Variants in TMEM255A observed in about 807,000 individuals in gnomAD.
TMEM255A encodes the protein family with sequence similarity 70, member A.
TMEM255A carries 14 observed loss-of-function variants against 23.5 expected under a neutral mutation model. The observed-to-expected ratio is 0.60, with a 90% CI of 0.39 to 0.93. TMEM255A has a LOEUF of 0.93. Among genes scored for constraint, TMEM255A ranks in the 40% least tolerant of loss-of-function variants. The probability of loss-of-function intolerance (pLI) is 0.00; values close to 1 mark genes in which losing one functional copy is unlikely to be tolerated. For missense variants in TMEM255A, 233 were observed against 261.7 expected, an observed-to-expected ratio of 0.89 and a Z score of 0.76; for synonymous variants, 104 against 100.3, an observed-to-expected ratio of 1.04 and a Z score of -0.22.
chrX:120,258,905 A>C lies in TMEM255A; in HGVS notation c.*1965T>G, dbSNP rs2057655956. ...CAAATGTTTTGCAAAAGAGTAAAGC[A>C]GCAAATATTAATTTTTCTAAGGTAA... is the stretch of plus-strand genomic sequence containing the variant. On this transcript the variant is annotated 3_prime_UTR_variant, in exon 9 of 9. Coordinates refer to ENST00000371369, the MANE Select transcript of TMEM255A (RefSeq NM_001104544.3). 2 of 112,908 alleles carry C rather than the reference A, an allele frequency of 1.8e-5. No homozygotes were observed. Among genetic ancestry groups the C allele is most frequent in the African/African-American group, 3.2e-5 (1 of 31,022 alleles). The allele number at this position is 112,908 out of a possible 1,213,427, so 9.3% of individuals were successfully genotyped here.
rs2057702395 is a variant in TMEM255A, at chrX:120,264,545, A to T, written c.820-3517T>A. Among the ~76,000 whole-genome samples, 3 of 111,263 alleles carry T rather than the reference A, an allele frequency of 2.7e-5. No homozygotes were observed. The Admixed American group carries it at 2.9e-4, about 11-fold the overall frequency. On this transcript the variant is annotated intron_variant, in intron 8 of 8. Transcript: ENST00000371369. ...GCTACCCAATAAGGGTATGACTTTG[A>T]GGGGTTAAAACAAAACATTATAAGT... is the stretch of plus-strand genomic sequence containing the variant.
At chrX:120,298,877 TAGAGAGAG>T (rs60873568) in intron 2 of TMEM255A, among the ~76,000 whole-genome samples, 1 of 97,871 alleles carries the variant, frequency 1.0e-5, no homozygotes, top group Admixed American at 1.1e-4. Flanking sequence ...ACAGAGCACC[TAGAGAGAG>T]AGAGAGAGAG....
the TMEM255A span, chrX:120,252,700 A>G: frequency 8.9e-6 from 1 of 112,102 alleles, no homozygotes; most frequent in African/African-American, 3.2e-5. Flanking sequence ...ACTGTTTAAC[A>G]TTCCACCTCT....
chrX:120,260,399 G>A lies in TMEM255A; in HGVS notation c.*471C>T, dbSNP rs2057669610. 8.2e-6 allele frequency: 1 copy of A among 122,068 alleles called. No homozygotes were observed. Among genetic ancestry groups the A allele is most frequent in the African/African-American group, 3.2e-5 (1 of 31,184 alleles). 10.1% of individuals were successfully genotyped at this position (122,068 alleles called of 1,213,427 possible). A position where few individuals can be genotyped will look rare whatever the true frequency, so the allele number is the denominator to read the frequency against. ...ATCTTAGCCAGAACTCTCTGTATTG[G>A]AACTACTGTGTAGCCCCATCAGCTG... On this transcript the variant is annotated 3_prime_UTR_variant, in exon 9 of 9. Transcript: ENST00000371369.
chrX:120,295,355 A>G lies in TMEM255A; in HGVS notation c.202-1304T>C, dbSNP rs1248554326. Among the ~76,000 whole-genome samples the G allele has an allele frequency of 2.7e-5, 3 of 110,970 alleles. No homozygotes were observed. In the Admixed American group the frequency reaches 2.9e-4, roughly 11 times the overall value. On this transcript the variant is annotated intron_variant, in intron 2 of 8. Coordinates refer to ENST00000371369, the MANE Select transcript of TMEM255A (RefSeq NM_001104544.3). ...TAGGTTTGGGAATCTAAGAGACCCA[A>G]GGGCTGGGCAGGAGCTTGGTAGGGC... is the stretch of plus-strand genomic sequence containing the variant.
chrX:120,262,798 G>A (rs1307443382), intron 8 of TMEM255A, among the ~76,000 whole-genome samples: 1 of 111,952 alleles, frequency 8.9e-6, no homozygotes, highest in Non-Finnish European at 1.9e-5. Flanking sequence ...GATGACATGA[G>A]AGGCAGCAGG....
At chrX:120,277,530 C>T (rs2057807603) in intron 6 of TMEM255A, among the ~76,000 whole-genome samples, 1 of 111,313 alleles carries the variant, frequency 9.0e-6, no homozygotes, top group Middle Eastern at 4.6e-3. Flanking sequence ...CTGGACAGAG[C>T]AGGTTACAGA....
At chrX:120,277,849 C>T (rs782150774) in intron 6 of TMEM255A, among the ~76,000 whole-genome samples, 1 of 112,170 alleles carries the variant, frequency 8.9e-6, no homozygotes, top group Non-Finnish European at 1.9e-5. Flanking sequence ...CCACTCTGTC[C>T]AAAGACACCC....
intron 1 of TMEM255A, among the ~76,000 whole-genome samples, chrX:120,308,157 T>A (rs933933420): frequency 8.9e-6 from 1 of 111,903 alleles, no homozygotes; most frequent in East Asian, 2.8e-4. Context: ...GGTACCTTAC[T>A]CAATAAGTAT....
chrX:120,294,956 G>T (rs782320292), intron 2 of TMEM255A, among the ~76,000 whole-genome samples: 1 of 111,552 alleles, frequency 9.0e-6, no homozygotes, highest in Non-Finnish European at 1.9e-5. Flanking sequence ...TTCCATCCCT[G>T]CTTCATTTAT....
Position 120,260,749 on chromosome X carries a change from G to A in TMEM255A, c.*121C>T. On this transcript the variant is annotated 3_prime_UTR_variant, in exon 9 of 9. Transcript: ENST00000371369. The stretch of plus-strand genomic sequence containing the variant: ...CTTCGTCCCTATCTTTCCCTAGCCT[G>A]GCAGGCCATTGTAAAACTTTATGCA... 1 of 965,148 alleles carries A rather than the reference G, an allele frequency of 1.0e-6. No homozygotes were observed. Among genetic ancestry groups the A allele is most frequent in the Non-Finnish European group, 1.4e-6 (1 of 713,240 alleles). 79.5% of individuals were successfully genotyped at this position (965,148 alleles called of 1,213,427 possible).
chrX:120,258,235 T>C (rs1410321573), downstream of TMEM255A: 1 of 123,364 alleles, frequency 8.1e-6, no homozygotes. Flanking sequence ...ACTGGCTTTC[T>C]GGCTGGTCAA....
chrX:120,270,134 A>G (rs1199949349), intron 7 of TMEM255A, among the ~76,000 whole-genome samples: 1 of 111,385 alleles, frequency 9.0e-6, no homozygotes, highest in Admixed American at 9.6e-5. Context: ...CAGCAAGAGA[A>G]GGAAGAAGAG....
intron 2 of TMEM255A, among the ~76,000 whole-genome samples, chrX:120,296,949 T>TA (rs1232719311): frequency 3.5e-4 from 1 of 2,827 alleles, no homozygotes; most frequent in Non-Finnish European, 4.5e-4. Context: ...ATATTATATA[T>TA]ATATTATATA....
chrX:120,308,227 A>T (rs1043875256), intron 1 of TMEM255A, among the ~76,000 whole-genome samples: 8 of 112,275 alleles, frequency 7.1e-5, no homozygotes. Flanking sequence ...AACCCATATG[A>T]TATCTGCCAG....
intron 2 of TMEM255A, 86 bp from the exon 3 acceptor site, chrX:120,294,137 A>G (rs2057936562): frequency 1.3e-6 from 1 of 771,268 alleles, no homozygotes; most frequent in Non-Finnish European, 1.9e-6. Flanking sequence ...ATGATTCAGG[A>G]TAAAAGAAAA....
intron 7 of TMEM255A, among the ~76,000 whole-genome samples, chrX:120,275,264 A>G (rs1013117885): frequency 1.8e-5 from 2 of 111,857 alleles, no homozygotes; most frequent in Admixed American, 9.4e-5. Flanking sequence ...GGAAGCTGGG[A>G]AGAGAAATGT....
chrX:120,302,194 A>T (rs935652070), intron 2 of TMEM255A, among the ~76,000 whole-genome samples: 8 of 111,268 alleles, frequency 7.2e-5, no homozygotes, highest in Admixed American at 4.8e-4. Flanking sequence ...CTTGAATAAC[A>T]GCAATCAGGC....
chrX:120,294,078 A>G, intron 2 of TMEM255A, 27 bp from the exon 3 acceptor site: 1 of 1,082,477 alleles, frequency 9.2e-7, no homozygotes, highest in Non-Finnish European at 1.3e-6. Flanking sequence ...CATACATAGT[A>G]TGTGGGATGA....
Sources: allele counts gnomAD v4.1 joint callset (sites outside exome capture counted in the v4.1 genomes callset), GRCh38; gene constraint gnomAD v4.1.1; transcripts MANE v1.5; gene names NCBI Gene and HGNC (gene_info 2026-07-23, HGNC 2026-07-21).